EIPR1: variants seen among roughly 807,000 people sequenced by gnomAD.
EIPR1 encodes the protein EARP complex and GARP complex interacting protein 1.
In EIPR1, 25 loss-of-function variants were observed where a neutral mutation model predicts 48.1. The ratio of observed to expected loss-of-function variants is 0.52; its 90% CI spans 0.38 to 0.73. The LOEUF is 0.73. EIPR1 is among the 30% of genes least tolerant of loss of function. The pLI, the probability that EIPR1 is intolerant of heterozygous loss-of-function variation, is 0.00. For missense variants in EIPR1, 415 were observed against 506.2 expected, an observed-to-expected ratio of 0.82 and a Z score of 1.73; for synonymous variants, 204 against 201.9, an observed-to-expected ratio of 1.01 and a Z score of -0.09.
chr2:3,307,026 G>GA (rs1668968195), intron 3 of EIPR1, among the ~76,000 whole-genome samples: 1 of 151,628 alleles, frequency 6.6e-6, no homozygotes, highest in African/African-American at 2.4e-5. Context: ...GGAGTGGCGT[G>GA]ATCCGGGCTC....
chr2:3,209,083 G>A (rs963458884), intron 5 of EIPR1: 44 of 1,406,466 alleles, frequency 3.1e-5, no homozygotes, highest in Middle Eastern at 2.6e-4. Context: ...GTGTACACCC[G>A]TTCCATGTTT....
At chr2:3,264,553 G>A (rs1667429884) in intron 3 of EIPR1, among the ~76,000 whole-genome samples, 1 of 152,188 alleles carries the variant, frequency 6.6e-6, no homozygotes, top group African/African-American at 2.4e-5. Context: ...GCTTCCTCCG[G>A]GCAGGACAGA....
chr2:3,341,116 A>C (rs866662478), intron 2 of EIPR1, among the ~76,000 whole-genome samples: 185 of 128,338 alleles, frequency 1.4e-3, no homozygotes, highest in East Asian at 4.4e-3. Context: ...AAAAAAAAAA[A>C]AAAACAAAAC....
chr2:3,238,495 T>A (rs542149026), intron 4 of EIPR1, among the ~76,000 whole-genome samples: 6 of 152,328 alleles, frequency 3.9e-5, no homozygotes, highest in African/African-American at 1.4e-4. Flanking sequence ...GTGGGGGACC[T>A]TCCTCACATT....
intron 2 of EIPR1, among the ~76,000 whole-genome samples, chr2:3,344,565 T>C (rs546518343): frequency 6.6e-6 from 1 of 152,182 alleles, no homozygotes; most frequent in East Asian, 1.9e-4. Context: ...CCTCTCAGCA[T>C]TTGTACATTT....
At chr2:3,230,569 C>T (rs1380056087) in intron 4 of EIPR1, among the ~76,000 whole-genome samples, 3 of 152,170 alleles carry the variant, frequency 2.0e-5, no homozygotes, top group African/African-American at 4.8e-5. Context: ...TTCAAATTTT[C>T]AGATCACAGA....
chr2:3,363,504 T>C (rs1221000670), intron 1 of EIPR1, among the ~76,000 whole-genome samples: 2 of 152,150 alleles, frequency 1.3e-5, no homozygotes, highest in Middle Eastern at 3.2e-3. Context: ...GGGACCAGCC[T>C]GGGCAACAAG....
intron 5 of EIPR1, among the ~76,000 whole-genome samples, chr2:3,212,602 C>A (rs1665495682): frequency 6.6e-6 from 1 of 152,160 alleles, no homozygotes; most frequent in Non-Finnish European, 1.5e-5. Flanking sequence ...CGCAAAAACA[C>A]AGGGAGGGAA....
chr2:3,259,271 G>A (rs1188058158), intron 3 of EIPR1, among the ~76,000 whole-genome samples: 1 of 144,132 alleles, frequency 6.9e-6, no homozygotes, highest in Non-Finnish European at 1.5e-5. Flanking sequence ...TGGAAGAAAT[G>A]ACTAATGGCA....
At position 3,346,897 on chromosome 2, in the gene EIPR1, G is replaced by A. The variant is rs1007939502; in HGVS notation, c.126+7653C>T. On this transcript the variant is annotated intron_variant, in intron 2 of 8. Coordinates refer to ENST00000382125, the MANE Select transcript of EIPR1 (RefSeq NM_003310.5). ...CATAGTTTGGAAATTTGTCCCTTTC[G>A]AAATCTCATGTTGAATTGTAATCCC... 4.6e-5 allele frequency among the ~76,000 whole-genome samples: 7 copies of A among 152,278 alleles called. No individual in the cohort carries two copies. The East Asian group carries it at 5.8e-4, about 13-fold the overall frequency.
chr2:3,201,458 C>T (rs1012108927), intron 5 of EIPR1, among the ~76,000 whole-genome samples: 8 of 152,212 alleles, frequency 5.3e-5, no homozygotes, highest in Non-Finnish European at 8.8e-5. Context: ...ATTACGTTTG[C>T]GGCAAGGGTG....
rs1664537366 is a variant in EIPR1 at position 3,189,709 on chromosome 2, CTG to C, written c.990-203_990-202del. Among the ~76,000 whole-genome samples the C allele has an allele frequency of 6.6e-6, 1 of 152,168 alleles. No homozygotes were observed. Among genetic ancestry groups the C allele is most frequent in the African/African-American group, 2.4e-5 (1 of 41,432 alleles). On this transcript the variant is annotated intron_variant, in intron 8 of 8. Coordinates refer to ENST00000382125, the MANE Select transcript of EIPR1 (RefSeq NM_003310.5). The surrounding 1 kb of genome is among the most constrained non-coding windows in gnomAD (Gnocchi z 4.6). Reference sequence around the variant, plus strand: ...CCCTGCAGAAGCCCAGAAACCCTCACTGTCACTGTGAGGAGTGGGCATTTCTC... The same window carrying C: ...CCCTGCAGAAGCCCAGAAACCCTCACTCACTGTGAGGAGTGGGCATTTCTC...
rs1338925180 is a variant in EIPR1 at position 3,372,650 on chromosome 2, AAC to A, written c.42+4996_42+4997del. On this transcript the variant is annotated intron_variant, in intron 1 of 8. Coordinates refer to ENST00000382125, the MANE Select transcript of EIPR1 (RefSeq NM_003310.5). ...TCTAGAAGAAATGGATAAATTCCTC[AAC>A]ACATACACTCTCCCAAGACTAAACC... is the stretch of plus-strand genomic sequence containing the variant. 1.5e-4 allele frequency among the ~76,000 whole-genome samples: 23 copies of A among 152,264 alleles called. No individual in the cohort carries two copies. In the East Asian group the frequency reaches 4.0e-3, roughly 27 times the overall value.
intron 4 of EIPR1, among the ~76,000 whole-genome samples, chr2:3,218,814 A>G (rs1336410344): frequency 7.4e-4 from 92 of 124,984 alleles, no homozygotes; most frequent in Middle Eastern, 0.015. Context: ...CACGGCCCTG[A>G]TACACTCTAG....
At chr2:3,262,673 G>T (rs952798152) in intron 3 of EIPR1, among the ~76,000 whole-genome samples, 2 of 152,208 alleles carry the variant, frequency 1.3e-5, no homozygotes, top group African/African-American at 4.8e-5. Context: ...ACTTTGTGGA[G>T]AGCCCGGTTG....
At chr2:3,225,939 C>T (rs537706672) in intron 4 of EIPR1, among the ~76,000 whole-genome samples, 5 of 152,324 alleles carry the variant, frequency 3.3e-5, no homozygotes, top group Admixed American at 2.0e-4. Flanking sequence ...CCTCCAGGTT[C>T]GTCCATATTG....
intron 3 of EIPR1, chr2:3,319,812 A>AACACCC (rs1669451775): frequency 1.7e-5 from 2 of 115,984 alleles, no homozygotes; most frequent in African/African-American, 1.0e-4. Context: ...TGCGGGCAAC[A>AACACCC]CCGCACCTGC....
intron 6 of EIPR1, 98 bp from the exon 7 acceptor site, chr2:3,194,264 A>T: frequency 6.8e-7 from 1 of 1,478,206 alleles, no homozygotes; most frequent in Non-Finnish European, 9.2e-7. Context: ...GACCCTGTCT[A>T]ATCCCCCGGC....
chr2:3,202,562 T>C (rs1665085487), intron 5 of EIPR1, among the ~76,000 whole-genome samples: 1 of 152,238 alleles, frequency 6.6e-6, no homozygotes, highest in Admixed American at 6.5e-5. Context: ...TAGAAGGTAA[T>C]GCAAATTCGG....
Sources: gnomAD v4.1 joint callset for allele counts (sites outside exome capture counted in the v4.1 genomes callset) on GRCh38, gnomAD v4.1.1 for gene constraint, Gnocchi (gnomAD v3.1) non-coding constraint, MANE v1.5 for transcripts, NCBI Gene and HGNC (gene_info 2026-07-23, HGNC 2026-07-21) for gene names.